TIAM1: variants seen among roughly 807,000 people sequenced by gnomAD.
TIAM1 encodes TIAM Rac1 associated GEF 1, also known as rho guanine nucleotide exchange factor TIAM1.
In TIAM1, 65 loss-of-function variants were observed where a neutral mutation model predicts 163.5. That is an observed-to-expected ratio of 0.40 (90% CI 0.33 to 0.49). The LOEUF (loss-of-function observed/expected upper bound fraction) is 0.49. Ranked by LOEUF, TIAM1 falls within the 20% of genes least tolerant of loss-of-function variation. The pLI is 0.77. For synonymous variants in TIAM1, 833 were observed against 810.1 expected (o/e 1.03, Z -0.48); for missense variants, 1,789 against 2,044.7 (o/e 0.87, Z 2.41).
At chr21:31,127,355 A>C (rs1244072370) in intron 25 of TIAM1, among the ~76,000 whole-genome samples, 2 of 152,216 alleles carry the variant, frequency 1.3e-5, no homozygotes, top group African/African-American at 4.8e-5. Flanking sequence ...ACACTTGGAA[A>C]ATTTCCAGTT....
chr21:31,294,152 G>C (rs1207338494), intron 2 of TIAM1, among the ~76,000 whole-genome samples: 2 of 152,200 alleles, frequency 1.3e-5, no homozygotes, highest in Non-Finnish European at 2.9e-5. Flanking sequence ...AGTTCAGCAT[G>C]AAAGGCCAGC....
intron 1 of TIAM1, among the ~76,000 whole-genome samples, chr21:31,507,820 G>C (rs1016105826): frequency 1.6e-4 from 25 of 152,166 alleles, no homozygotes; most frequent in African/African-American, 6.0e-4. Flanking sequence ...TTTTAGGGTG[G>C]TAGCCCAGGG....
intron 2 of TIAM1, among the ~76,000 whole-genome samples, chr21:31,454,433 C>A (rs2045008488): frequency 6.6e-6 from 1 of 152,264 alleles, no homozygotes; most frequent in Non-Finnish European, 1.5e-5. Context: ...AAAACAAAAA[C>A]TTTCCTTTCC....
chr21:31,251,814 C>T lies in TIAM1; in HGVS notation c.1339G>A (p.Val447Met). The T allele has an allele frequency of 6.2e-7, 1 of 1,613,082 alleles. No homozygotes were observed. ...AGALAVKNFLVHKKNKKVESA... is the reference protein window; with the variant it reads ...AGALAVKNFLMHKKNKKVESA... ...TCCACCTTCTTGTTCTTCTTGTGCA[C>T]CAGGAAGTTCTTGACGGCCAGGGCG... Residue 447 changes from valine to methionine, a missense_variant, in exon 5 of 28, where the codon GTG (valine) becomes ATG (methionine). By Grantham distance (21) the Val-to-Met change is conservative. Transcript: ENST00000541036.
intron 23 of TIAM1, among the ~76,000 whole-genome samples, chr21:31,134,492 T>C (rs1194257299): frequency 6.6e-5 from 10 of 152,144 alleles, no homozygotes; most frequent in Non-Finnish European, 4.4e-5. Flanking sequence ...AGTCACATGC[T>C]TTCTCTGCAC....
intron 2 of TIAM1, among the ~76,000 whole-genome samples, chr21:31,368,636 A>G (rs921099107): frequency 5.3e-5 from 8 of 152,234 alleles, no homozygotes; most frequent in African/African-American, 1.7e-4. Context: ...AAAGGCAGGC[A>G]TAGGCTGACA....
At chr21:31,555,186 CTTT>C (rs545553753) in intron 1 of TIAM1, among the ~76,000 whole-genome samples, 5 of 132,638 alleles carry the variant, frequency 3.8e-5, no homozygotes, top group Admixed American at 7.6e-5. Flanking sequence ...AGAATTTGTT[CTTT>C]TTTTTTTTTT....
At chr21:31,398,389 T>C (rs1264498368) in intron 2 of TIAM1, among the ~76,000 whole-genome samples, 1 of 152,168 alleles carries the variant, frequency 6.6e-6, no homozygotes, top group Non-Finnish European at 1.5e-5. Context: ...GTGGTAATGG[T>C]TTGTGTTACT....
At chr21:31,532,455 T>C (rs1330115290) in intron 1 of TIAM1, among the ~76,000 whole-genome samples, 1 of 152,196 alleles carries the variant, frequency 6.6e-6, no homozygotes, top group Non-Finnish European at 1.5e-5. Flanking sequence ...TTATGACTAC[T>C]CTTACTTCTT....
At chr21:31,418,572 G>C (rs1029532156) in intron 2 of TIAM1, among the ~76,000 whole-genome samples, 10 of 152,092 alleles carry the variant, frequency 6.6e-5, no homozygotes, top group African/African-American at 2.4e-4. Flanking sequence ...ATCCTGGCGA[G>C]GGATGAAAGG....
chr21:31,354,864 T>A (rs2076289798), intron 2 of TIAM1, among the ~76,000 whole-genome samples: 1 of 152,218 alleles, frequency 6.6e-6, no homozygotes, highest in Admixed American at 6.5e-5. Context: ...CCTGCCCAGC[T>A]GACAATCCTT....
intron 2 of TIAM1, among the ~76,000 whole-genome samples, chr21:31,309,561 G>A (rs2074845791): frequency 6.6e-6 from 1 of 152,206 alleles, no homozygotes; most frequent in Non-Finnish European, 1.5e-5. Flanking sequence ...TCTTTCAGCA[G>A]GAAGAGTCAT....
chr21:31,168,094 ATTT>A (rs11307082), intron 15 of TIAM1, among the ~76,000 whole-genome samples: 3 of 141,762 alleles, frequency 2.1e-5, no homozygotes, highest in African/African-American at 7.8e-5. Flanking sequence ...GATTCTTATT[ATTT>A]TTTTTTTTTT....
chr21:31,235,489 T>C (rs2088702512), intron 6 of TIAM1, among the ~76,000 whole-genome samples: 1 of 152,144 alleles, frequency 6.6e-6, no homozygotes, highest in Non-Finnish European at 1.5e-5. Context: ...TCTATCATAA[T>C]AGAAAGTCAG....
chr21:31,213,866 C>CAAAAAAAAAAA lies in TIAM1; in HGVS notation c.2143-405_2143-395dup, dbSNP rs35524539. On this transcript the variant is annotated intron_variant, in intron 9 of 27. Transcript: ENST00000541036. ...GCAATATAGTTAGACCTCATCTCTA[C>CAAAAAAAAAAA]AAAAAAAAAAAAAAAAAAAGAATTA... Among the ~76,000 whole-genome samples, 415 of 54,802 alleles carry CAAAAAAAAAAA rather than the reference C, an allele frequency of 7.6e-3. 23 individuals carry two copies. The highest frequency in any genetic ancestry group is 0.024 in the African/African-American group (387 of 16,070). The allele number at this position is 54,802 out of a possible 152,430, so 36.0% of individuals were successfully genotyped here. A position where few individuals can be genotyped will look rare whatever the true frequency, so the allele number is the denominator to read the frequency against.
At chr21:31,248,432 G>C (rs964743672) in intron 5 of TIAM1, among the ~76,000 whole-genome samples, 1 of 152,164 alleles carries the variant, frequency 6.6e-6, no homozygotes, top group Admixed American at 6.5e-5. Context: ...TGAACGCGAA[G>C]CAGCAAATCT....
chr21:31,389,114 A>G (rs1412612309), intron 2 of TIAM1, among the ~76,000 whole-genome samples: 3 of 152,250 alleles, frequency 2.0e-5, no homozygotes, highest in Non-Finnish European at 4.4e-5. Flanking sequence ...ATAAAATTTT[A>G]TTCGTGGATG....
upstream of TIAM1, among the ~76,000 whole-genome samples, chr21:31,345,915 A>G (rs1569251206): frequency 6.6e-6 from 1 of 152,236 alleles, no homozygotes; most frequent in Non-Finnish European, 1.5e-5. Context: ...ACACCACTGC[A>G]CTTCCAGCCT....
At chr21:31,464,917 C>T (rs984178800) in intron 1 of TIAM1, among the ~76,000 whole-genome samples, 4 of 150,296 alleles carry the variant, frequency 2.7e-5, no homozygotes, top group Middle Eastern at 3.5e-3. Context: ...GGCTGAGACA[C>T]GAGAATTGAT....
Sources: gnomAD v4.1 joint callset for allele counts (sites outside exome capture counted in the v4.1 genomes callset) on GRCh38, gnomAD v4.1.1 for gene constraint, MANE v1.5 for transcripts, NCBI Gene and HGNC (gene_info 2026-07-23, HGNC 2026-07-21) for gene names.